The following CSMD1 variants were observed in gnomAD, a reference collection of about 807,000 sequenced individuals.
CSMD1 encodes the protein CUB and Sushi multiple domains 1.
A neutral mutation model predicts 417.5 loss-of-function variants in CSMD1; 213 were observed. That is an observed-to-expected ratio of 0.51 (90% CI 0.46 to 0.57). CSMD1 has a LOEUF of 0.57. Among genes scored for constraint, CSMD1 ranks in the 20% least tolerant of loss-of-function variants. The pLI, the probability that CSMD1 is intolerant of heterozygous loss-of-function variation, is 0.00. For missense variants in CSMD1, 6,923 were observed against 4,529.7 expected (o/e 1.53, Z -15.17); for synonymous variants, 2,862 against 1,736.8 (o/e 1.65, Z -16.11).
intron 3 of CSMD1, among the ~76,000 whole-genome samples, chr8:4,389,525 A>G (rs1021063724): frequency 2.0e-5 from 3 of 152,192 alleles, no homozygotes; most frequent in Admixed American, 6.5e-5. Context: ...TATCAGTCAT[A>G]TACTCAGCAG....
intron 33 of CSMD1, among the ~76,000 whole-genome samples, chr8:3,195,999 T>C (rs1359476693): frequency 2.0e-5 from 3 of 152,114 alleles, no homozygotes; most frequent in Non-Finnish European, 1.5e-5. Context: ...TCAGGTGTTC[T>C]AAGTCACAGG....
chr8:2,958,041 C>T (rs939174222), intron 62 of CSMD1, among the ~76,000 whole-genome samples: 4 of 152,152 alleles, frequency 2.6e-5, no homozygotes, highest in Admixed American at 2.6e-4. Flanking sequence ...ATTTAGACGG[C>T]TGTTTGGGTA....
intron 3 of CSMD1, among the ~76,000 whole-genome samples, chr8:4,213,498 A>G (rs1800448695): frequency 6.6e-6 from 1 of 152,252 alleles, no homozygotes; most frequent in South Asian, 2.1e-4. Flanking sequence ...AACACTTGCT[A>G]AATAAAATTT....
chr8:3,350,671 A>T (rs1808359566), intron 21 of CSMD1, among the ~76,000 whole-genome samples: 1 of 152,228 alleles, frequency 6.6e-6, no homozygotes, highest in Non-Finnish European at 1.5e-5. Context: ...GATTAATTGC[A>T]GCTGATATTT....
chr8:4,400,635 T>C (rs910552983), intron 3 of CSMD1, among the ~76,000 whole-genome samples: 2 of 152,236 alleles, frequency 1.3e-5, no homozygotes, highest in Non-Finnish European at 2.9e-5. Flanking sequence ...ACCTGCAATC[T>C]TGAAGTCTTT....
intron 5 of CSMD1, among the ~76,000 whole-genome samples, chr8:3,853,691 T>C (rs895304855): frequency 6.6e-6 from 1 of 151,878 alleles, no homozygotes; most frequent in African/African-American, 2.4e-5. Flanking sequence ...AGTGTGCAGT[T>C]GGATAAGCCT....
At chr8:3,357,869 G>A (rs949040421) in intron 21 of CSMD1, among the ~76,000 whole-genome samples, 58 of 152,102 alleles carry the variant, frequency 3.8e-4, no homozygotes, top group African/African-American at 1.4e-3. Flanking sequence ...AAAGCAGATT[G>A]TGAAAATATA....
At chr8:3,908,823 T>C (rs759433679) in intron 5 of CSMD1, among the ~76,000 whole-genome samples, 1 of 152,202 alleles carries the variant, frequency 6.6e-6, no homozygotes, top group African/African-American at 2.4e-5. Flanking sequence ...AGGATCTCTA[T>C]GTGAGGACCA....
At chr8:2,959,639 C>T (rs1039999186) in intron 62 of CSMD1, among the ~76,000 whole-genome samples, 2 of 152,060 alleles carry the variant, frequency 1.3e-5, no homozygotes, top group Admixed American at 1.3e-4. Flanking sequence ...TTCGGGGACA[C>T]GCTGGCTGGA....
At position 4,171,727 on chromosome 8, in the gene CSMD1, C is replaced by G. The variant is rs183784072; in HGVS notation, c.416-139628G>C. The stretch of plus-strand genomic sequence containing the variant: ...ATTCTGATATTTATGTGCCAAGCTT[C>G]TGAAATTTTCATCTTTTTATTTTAT... On this transcript the variant is annotated intron_variant, in intron 3 of 69. Coordinates refer to ENST00000635120, the MANE Select transcript of CSMD1 (RefSeq NM_033225.6). Among the ~76,000 whole-genome samples, 4 of 149,706 alleles carry G rather than the reference C, an allele frequency of 2.7e-5. No individual in the cohort carries two copies. The East Asian group carries it at 7.7e-4, about 29-fold the overall frequency.
intron 1 of CSMD1, among the ~76,000 whole-genome samples, chr8:4,801,593 G>C (rs1477850644): frequency 6.6e-6 from 1 of 151,938 alleles, no homozygotes; most frequent in East Asian, 1.9e-4. Flanking sequence ...ATCTCAGTTA[G>C]TGAGCACCTC....
intron 1 of CSMD1, among the ~76,000 whole-genome samples, chr8:4,930,856 C>G (rs1374580384): frequency 6.6e-6 from 1 of 152,162 alleles, no homozygotes; most frequent in Non-Finnish European, 1.5e-5. Context: ...ATCTTAATTT[C>G]TTAATAAAGG....
intron 1 of CSMD1, among the ~76,000 whole-genome samples, chr8:4,834,772 C>T (rs889938418): frequency 6.6e-5 from 10 of 151,224 alleles, no homozygotes; most frequent in East Asian, 2.0e-4. Flanking sequence ...CTGGCTAACA[C>T]GGTGAAACCC....
chr8:3,469,600 G>T (rs1445930324), intron 11 of CSMD1, among the ~76,000 whole-genome samples: 1 of 152,136 alleles, frequency 6.6e-6, no homozygotes, highest in Non-Finnish European at 1.5e-5. Flanking sequence ...TAGAAAAAGT[G>T]TAAGAAGAAA....
intron 49 of CSMD1, among the ~76,000 whole-genome samples, chr8:3,061,799 C>T (rs892880598): frequency 1.6e-4 from 24 of 152,264 alleles, no homozygotes; most frequent in African/African-American, 5.8e-4. Flanking sequence ...AATTGCATTA[C>T]TTCATTTAAT....
At chr8:3,327,108 C>T (rs183866077) in intron 23 of CSMD1, among the ~76,000 whole-genome samples, 2 of 151,566 alleles carry the variant, frequency 1.3e-5, no homozygotes, top group Admixed American at 1.3e-4. Context: ...CCTCCTGTCT[C>T]ATCATTGGCA....
intron 7 of CSMD1, among the ~76,000 whole-genome samples, chr8:3,641,728 T>C (rs1383817688): frequency 6.6e-6 from 1 of 152,120 alleles, no homozygotes; most frequent in Non-Finnish European, 1.5e-5. Context: ...AATGGAAATG[T>C]TTGGGACCAG....
intron 2 of CSMD1, among the ~76,000 whole-genome samples, chr8:4,500,697 T>C (rs968692123): frequency 1.3e-5 from 2 of 152,164 alleles, no homozygotes; most frequent in African/African-American, 4.8e-5. Context: ...GGTGGAGGTT[T>C]TCCTCTTGCG....
rs181213155 is a variant in CSMD1 at position 3,344,012 on chromosome 8, G to C, written c.3475-562C>G. Among the ~76,000 whole-genome samples the C allele has an allele frequency of 3.3e-5, 5 of 152,262 alleles. No individual in the cohort carries two copies. In the East Asian group the frequency reaches 9.7e-4, roughly 29 times the overall value. On this transcript the variant is annotated intron_variant, in intron 22 of 69. Transcript: ENST00000635120. ...AACAGAAGTATCTCATCATGCAATA[G>C]TAATACAGAAGTGTGATGTTGCTTA...
Sources: allele counts gnomAD v4.1 joint callset (sites outside exome capture counted in the v4.1 genomes callset), GRCh38; gene constraint gnomAD v4.1.1; transcripts MANE v1.5; gene names NCBI Gene and HGNC (gene_info 2026-07-23, HGNC 2026-07-21).